Variants in FRMD4B observed in about 807,000 individuals in gnomAD.
The protein encoded by FRMD4B is FERM domain containing 4B, also known as FERM domain-containing protein 4B.
Under a neutral mutation model 141.5 loss-of-function variants are expected in FRMD4B, and 74 were observed. The ratio of observed to expected loss-of-function variants is 0.52; its 90% confidence interval spans 0.43 to 0.63. The LOEUF (loss-of-function observed/expected upper bound fraction) is 0.63. Ranked by LOEUF, FRMD4B falls within the 30% of genes least tolerant of loss-of-function variation. The pLI, the probability that FRMD4B is intolerant of heterozygous loss-of-function variation, is 0.00. For missense variants in FRMD4B, 1,366 were observed against 1,253.4 expected (o/e 1.09, Z -1.36); for synonymous variants, 506 against 467.9 (o/e 1.08, Z -1.05).
At chr3:69,492,856 T>C (rs920177893) in intron 1 of FRMD4B, among the ~76,000 whole-genome samples, 2 of 152,226 alleles carry the variant, frequency 1.3e-5, no homozygotes, top group African/African-American at 4.8e-5. Flanking sequence ...TCATGGCTGG[T>C]AAACGTTTCC....
In FRMD4B at chr3:69,193,740, G is replaced by A. The variant is rs115964883; in HGVS notation, c.1622C>T (p.Ala541Val). Reference sequence around the variant, plus strand: ...TTCAATCTCCTGAAGCTTTTTCATCGCATCTGTGTAATCTTGCTTTCGCTT... The same window carrying A: ...TTCAATCTCCTGAAGCTTTTTCATCACATCTGTGTAATCTTGCTTTCGCTT... ...KKKRKQDYTD[A>V]MKKLQEIENA... Residue 541 changes from alanine to valine, a missense_variant, in exon 17 of 23, where the codon GCG (alanine) becomes GTG (valine). Coordinates refer to ENST00000398540, the MANE Select transcript of FRMD4B (RefSeq NM_015123.3). 44 of 1,612,978 alleles carry A rather than the reference G, an allele frequency of 2.7e-5. No individual in the cohort carries two copies. The highest frequency in any genetic ancestry group is 4.0e-5 in the African/African-American group (3 of 74,848).
chr3:69,343,800 G>C (rs560720639), intron 1 of FRMD4B, among the ~76,000 whole-genome samples: 2 of 151,716 alleles, frequency 1.3e-5, no homozygotes, highest in Non-Finnish European at 1.5e-5. Flanking sequence ...GGCTGGTATC[G>C]AACTCCTGGC....
intron 1 of FRMD4B, among the ~76,000 whole-genome samples, chr3:69,540,660 T>TATATATACACACAC (rs1241897477): frequency 8.8e-5 from 5 of 56,862 alleles, no homozygotes; most frequent in African/African-American, 5.2e-4. Context: ...TATATATATA[T>TATATATACACACAC]ACACACACAC....
chr3:69,283,804 A>AACCTGAATCTCAGAAAAGAGGGCTGTAGT (rs2093654911), intron 5 of FRMD4B, among the ~76,000 whole-genome samples: 1 of 152,190 alleles, frequency 6.6e-6, no homozygotes, highest in Non-Finnish European at 1.5e-5. Context: ...TTCTTAGGAA[A>AACCTGAATCTCAGAAAAGAGGGCTGTAGT]ACCTGAATCT....
Position 69,327,149 on chromosome 3 carries a change from G to A in FRMD4B, c.163-13632C>T, listed in dbSNP as rs565477297. On this transcript the variant is annotated intron_variant, in intron 1 of 22. Transcript: ENST00000398540. ...TGCCTTGTAGAAAATGGAAATTTTG[G>A]CTTCAGTGAGTATGCAAGCAGCAGA... 4.3e-3 allele frequency among the ~76,000 whole-genome samples: 647 copies of A among 152,160 alleles called. 4 individuals are homozygous for A. Among genetic ancestry groups the A allele is most frequent in the Non-Finnish European group, 7.2e-3 (488 of 67,998 alleles).
chr3:69,280,689 T>A (rs1166838157), intron 5 of FRMD4B, among the ~76,000 whole-genome samples: 1 of 152,130 alleles, frequency 6.6e-6, no homozygotes, highest in African/African-American at 2.4e-5. Context: ...GTCCATGACA[T>A]TAACCACTGC....
At chr3:69,277,485 T>C (rs945798731) in intron 5 of FRMD4B, among the ~76,000 whole-genome samples, 8 of 151,672 alleles carry the variant, frequency 5.3e-5, no homozygotes, top group Non-Finnish European at 7.4e-5. Context: ...ATGGTATATG[T>C]CTTGAACAGC....
In FRMD4B at chr3:69,399,995, C is replaced by T. The variant is rs1704533469; in HGVS notation, c.-1+32639G>A. On this transcript the variant is annotated intron_variant, in intron 2 of 5. Coordinates refer to the FRMD4B transcript ENST00000459638. ...ACTTTTGCCCCAACCCAATACGATA[C>T]CTGGCTCATATTAGGTACTCAATAA... 2.0e-5 allele frequency among the ~76,000 whole-genome samples: 3 copies of T among 152,236 alleles called. No individual in the cohort carries two copies. In the South Asian group the frequency reaches 6.2e-4, roughly 32 times the overall value.
chr3:69,474,479 C>T (rs1705949403), intron 1 of FRMD4B, among the ~76,000 whole-genome samples: 1 of 152,092 alleles, frequency 6.6e-6, no homozygotes, highest in South Asian at 2.1e-4. Flanking sequence ...CTGTGACTGA[C>T]AGTTTATTAA....
intron 5 of FRMD4B, 161 bp downstream of exon 5, chr3:69,287,591 T>C: frequency 1.7e-6 from 1 of 580,112 alleles, no homozygotes; most frequent in South Asian, 2.1e-5. Flanking sequence ...AAGATACCAT[T>C]TGTGTATGTG....
intron 5 of FRMD4B, among the ~76,000 whole-genome samples, chr3:69,261,219 CAGTG>C (rs2093525287): frequency 2.0e-5 from 3 of 152,144 alleles, no homozygotes; most frequent in Non-Finnish European, 4.4e-5. Flanking sequence ...TTTATGAAGC[CAGTG>C]AGATCATGAA....
intron 1 of FRMD4B, among the ~76,000 whole-genome samples, chr3:69,511,761 G>A (rs1264433166): frequency 6.6e-6 from 1 of 152,086 alleles, no homozygotes; most frequent in Non-Finnish European, 1.5e-5. Flanking sequence ...CTTTCTCAAG[G>A]ATCAGACCTG....
intron 11 of FRMD4B, among the ~76,000 whole-genome samples, chr3:69,208,252 C>T (rs1011870255): frequency 1.3e-5 from 2 of 151,996 alleles, no homozygotes; most frequent in African/African-American, 2.4e-5. Flanking sequence ...TTAGTAGAGA[C>T]GGGGTTTCAC....
intron 1 of FRMD4B, among the ~76,000 whole-genome samples, chr3:69,320,016 A>C (rs1461889080): frequency 1.3e-5 from 2 of 152,222 alleles, no homozygotes; most frequent in Non-Finnish European, 2.9e-5. Flanking sequence ...AAAGCATCTT[A>C]GACGGTATCT....
intron 4 of FRMD4B, among the ~76,000 whole-genome samples, chr3:69,288,397 G>T: frequency 6.6e-6 from 1 of 152,164 alleles, no homozygotes; most frequent in African/African-American, 2.4e-5. Flanking sequence ...TTTTCCTTTG[G>T]CTCAAAGCCA....
Position 69,187,844 on chromosome 3 carries a change from C to T in FRMD4B, c.1845G>A (p.Lys615=). 6.2e-7 allele frequency: 1 copy of T among 1,611,372 alleles called. No individual in the cohort carries two copies. Among genetic ancestry groups the T allele is most frequent in the Non-Finnish European group, 8.5e-7 (1 of 1,178,208 alleles). Reference sequence around the variant, plus strand: ...AATGGATTCGCTCAATACCAAGAGACTTGGGGGGAAGAATTCTTGGAGAAT... The same window carrying T: ...AATGGATTCGCTCAATACCAAGAGATTTGGGGGGAAGAATTCTTGGAGAAT... The part of the protein sequence containing the change: ...VPHSPRILPP[K]SLGIERIHFR... Residue 615 remains lysine, a synonymous_variant, in exon 19 of 23, where the codon AAG becomes AAA. Transcript: ENST00000398540.
chr3:69,362,872 T>C (rs1027797980), intron 1 of FRMD4B, among the ~76,000 whole-genome samples: 2 of 152,016 alleles, frequency 1.3e-5, no homozygotes, highest in Admixed American at 6.6e-5. Context: ...CCAATTTTTA[T>C]TATATGTTTC....
chr3:69,536,645 G>A lies in FRMD4B; in HGVS notation c.-129+5561C>T, dbSNP rs899930520. On this transcript the variant is annotated intron_variant, in intron 1 of 5. Transcript: ENST00000459638. ...CAGGAGACCTGGATGATCCTGCTGT[G>A]GAAGTCGAGGAGAGTGAGATGTCAC... The A allele has an allele frequency of 1.4e-5, 14 of 998,738 alleles. No individual in the cohort carries two copies. The Admixed American group carries it at 2.5e-4, about 18-fold the overall frequency. The allele number at this position is 998,738 out of a possible 1,614,324, so 61.9% of individuals were successfully genotyped here.
intron 4 of FRMD4B, 132 bp from the exon 5 acceptor site, chr3:69,287,968 A>G: frequency 1.7e-6 from 1 of 588,992 alleles, no homozygotes; most frequent in African/African-American, 1.9e-5. Flanking sequence ...TTTCCGTTTT[A>G]AAAGAAATAT....
Sources: gnomAD v4.1 joint callset for allele counts (sites outside exome capture counted in the v4.1 genomes callset) on GRCh38, gnomAD v4.1.1 for gene constraint, MANE v1.5 for transcripts, NCBI Gene and HGNC (gene_info 2026-07-23, HGNC 2026-07-21) for gene names.